INSR: variants seen among roughly 807,000 people sequenced by gnomAD.
The protein encoded by INSR is insulin receptor, also known as IR.
INSR carries 67 observed loss-of-function variants against 142.6 expected under a neutral mutation model. The ratio of observed to expected loss-of-function variants is 0.47; its 90% confidence interval spans 0.39 to 0.58. The LOEUF is 0.58. INSR is among the 20% of genes least tolerant of loss of function. The probability of loss-of-function intolerance (pLI) is 0.00; values close to 1 mark genes in which losing one functional copy is unlikely to be tolerated. For synonymous variants in INSR, 756 were observed against 743.1 expected, an observed-to-expected ratio of 1.02 and a Z score of -0.28; for missense variants, 1,248 against 1,833.2, an observed-to-expected ratio of 0.68 and a Z score of 5.83.
At chr19:7,178,752 C>T (rs192768329) in intron 3 of INSR, among the ~76,000 whole-genome samples, 15 of 152,092 alleles carry the variant, frequency 9.9e-5, no homozygotes, top group African/African-American at 2.9e-4. Flanking sequence ...AAACTCTGGA[C>T]GCTGAAGCTC....
chr19:7,258,934 T>G (rs1185201006), intron 2 of INSR, among the ~76,000 whole-genome samples: 2 of 147,068 alleles, frequency 1.4e-5, no homozygotes, highest in East Asian at 1.9e-4. Flanking sequence ...CCTTCCCTCC[T>G]TCCTTTCCTT....
intron 2 of INSR, among the ~76,000 whole-genome samples, chr19:7,229,747 A>G (rs1448425623): frequency 6.7e-6 from 1 of 148,550 alleles, no homozygotes; most frequent in Admixed American, 6.7e-5. Flanking sequence ...ACTCTGGAGG[A>G]TACATTTACA....
chr19:7,189,170 A>G (rs1203484838), intron 2 of INSR, among the ~76,000 whole-genome samples: 1 of 101,468 alleles, frequency 9.9e-6, no homozygotes, highest in Non-Finnish European at 2.4e-5. Flanking sequence ...GCACTCTGGC[A>G]AGGAAACACA....
At chr19:7,272,120 T>C (rs1967942002) in intron 1 of INSR, among the ~76,000 whole-genome samples, 1 of 151,942 alleles carries the variant, frequency 6.6e-6, no homozygotes, top group Non-Finnish European at 1.5e-5. Flanking sequence ...CTGGCCAACA[T>C]GGTGAAACCC....
At chr19:7,191,346 AGGAG>A (rs1219180320) in intron 2 of INSR, among the ~76,000 whole-genome samples, 21 of 134,566 alleles carry the variant, frequency 1.6e-4, no homozygotes, top group Admixed American at 5.2e-4. Flanking sequence ...AAAGAAAGAA[AGGAG>A]GGAGGGAGGG....
At chr19:7,191,230 G>A (rs1974577142) in intron 2 of INSR, among the ~76,000 whole-genome samples, 1 of 152,030 alleles carries the variant, frequency 6.6e-6, no homozygotes. Flanking sequence ...CCGGGAGGCG[G>A]GGGTTGCAGT....
intron 2 of INSR, among the ~76,000 whole-genome samples, chr19:7,218,746 G>A (rs1316993364): frequency 6.6e-6 from 1 of 152,168 alleles, no homozygotes; most frequent in African/African-American, 2.4e-5. Context: ...GTTTCGCCAT[G>A]TTGGCCAGGC....
chr19:7,129,274 ATGCTCTGCTGTTGCCCCTCTGAAATGCT>A (rs1487203895), intron 14 of INSR, among the ~76,000 whole-genome samples: 2 of 152,102 alleles, frequency 1.3e-5, no homozygotes. Flanking sequence ...TGTCAGTTTA[ATGCTCTGCTGTTGCCCCTCTGAAATGCT>A]TATTCATTTT....
At chr19:7,161,021 A>G (rs913162541) in intron 9 of INSR, among the ~76,000 whole-genome samples, 1 of 149,766 alleles carries the variant, frequency 6.7e-6, no homozygotes, top group African/African-American at 2.4e-5. Context: ...GAAAATAATA[A>G]TAATAATAAT....
At chr19:7,229,671 C>T (rs548407430) in intron 2 of INSR, among the ~76,000 whole-genome samples, 36 of 151,420 alleles carry the variant, frequency 2.4e-4, no homozygotes, top group East Asian at 9.7e-4. Flanking sequence ...AACTTAGCTA[C>T]AGTTTTTAAA....
At chr19:7,155,912 G>A (rs1973578031) in intron 9 of INSR, among the ~76,000 whole-genome samples, 1 of 151,382 alleles carries the variant, frequency 6.6e-6, no homozygotes, top group African/African-American at 2.4e-5. Context: ...AAATCATGTT[G>A]AAGAAGAAGA....
rs74178501 is a variant in INSR, at chr19:7,153,309, A to T, written c.2030-382T>A. Among the ~76,000 whole-genome samples, 14 of 94,064 alleles carry T rather than the reference A, an allele frequency of 1.5e-4. No homozygotes were observed. In the East Asian group the frequency reaches 1.9e-3, roughly 13 times the overall value. The allele number at this position is 94,064 out of a possible 152,430, so 61.7% of individuals were successfully genotyped here. A position where few individuals can be genotyped will look rare whatever the true frequency, so the allele number is the denominator to read the frequency against. On this transcript the variant is annotated intron_variant, in intron 9 of 21. Coordinates refer to ENST00000302850, the MANE Select transcript of INSR (RefSeq NM_000208.4). ...CCACACACCGCACACACACCACACAAATCACACACACACCACACACACCCA... is the reference window on the plus strand; with the variant it reads ...CCACACACCGCACACACACCACACATATCACACACACACCACACACACCCA...
chr19:7,238,227 GA>G (rs200821055), intron 2 of INSR, among the ~76,000 whole-genome samples: 45 of 150,312 alleles, frequency 3.0e-4, no homozygotes, highest in South Asian at 1.1e-3. Flanking sequence ...ATAATAGAGG[GA>G]AAAAAAAAGC....
intron 4 of INSR, among the ~76,000 whole-genome samples, chr19:7,174,030 C>G (rs10418533): frequency 0.24 from 36,867 of 151,628 alleles, 5,478 homozygotes; most frequent in African/African-American, 0.41. Flanking sequence ...TGCCTGTAAT[C>G]CCTGCACTTT....
At chr19:7,253,021 G>C (rs950734848) in intron 2 of INSR, among the ~76,000 whole-genome samples, 1 of 151,654 alleles carries the variant, frequency 6.6e-6, no homozygotes, top group Non-Finnish European at 1.5e-5. Context: ...AGGCTGAGGC[G>C]GGGGAATCCC....
chr19:7,169,845 T>A (rs1487885973), intron 6 of INSR, among the ~76,000 whole-genome samples: 3 of 152,286 alleles, frequency 2.0e-5, no homozygotes, highest in Admixed American at 2.0e-4. Flanking sequence ...TATGGCACAG[T>A]AAGCATAGTG....
chr19:7,153,690 C>T (rs995563328), intron 9 of INSR, among the ~76,000 whole-genome samples: 1 of 152,008 alleles, frequency 6.6e-6, no homozygotes, highest in Non-Finnish European at 1.5e-5. Context: ...TACACTTCAG[C>T]CTGGGTGACA....
chr19:7,205,783 G>A (rs1009157659), intron 2 of INSR, among the ~76,000 whole-genome samples: 12 of 152,220 alleles, frequency 7.9e-5, no homozygotes, highest in Middle Eastern at 3.4e-3. Context: ...CCAGCTATTC[G>A]GGAGGCTGAG....
At chr19:7,152,053 A>G (rs895260876) in intron 10 of INSR, 2 of 152,110 alleles carry the variant, frequency 1.3e-5, no homozygotes, top group African/African-American at 4.9e-5. Context: ...CGGCTTCCCA[A>G]CTAGCTGGGA....
Sources: allele counts gnomAD v4.1 joint callset (sites outside exome capture counted in the v4.1 genomes callset), GRCh38; gene constraint gnomAD v4.1.1; transcripts MANE v1.5; gene names NCBI Gene and HGNC (gene_info 2026-07-23, HGNC 2026-07-21).